The following OPHN1 variants were observed in gnomAD, a reference collection of about 807,000 sequenced individuals.
OPHN1 encodes the protein oligophrenin-1.
In OPHN1, 11 loss-of-function variants were observed where a neutral mutation model predicts 60.7. That is an observed-to-expected ratio of 0.18 (90% confidence interval 0.11 to 0.30). The LOEUF (loss-of-function observed/expected upper bound fraction) is 0.30, where lower values mean the gene tolerates loss of function less well. Among genes scored for constraint, OPHN1 ranks in the 10% least tolerant of loss-of-function variants. The pLI is 1.00. For synonymous variants in OPHN1, 226 were observed against 222.6 expected (o/e 1.02, Z -0.14); for missense variants, 449 against 611.0 (o/e 0.73, Z 2.80).
At chrX:68,225,392 G>T (rs1398111558) in intron 6 of OPHN1, among the ~76,000 whole-genome samples, 2 of 111,910 alleles carry the variant, frequency 1.8e-5, no homozygotes, top group African/African-American at 6.5e-5. Context: ...CCAGCACGGA[G>T]TTTGAGATCT....
rs151007231 is a variant in OPHN1, at chrX:68,430,104, T to A, written c.154+2763A>T. 6.2e-3 allele frequency among the ~76,000 whole-genome samples: 698 copies of A among 112,003 alleles called. 5 individuals are homozygous for A. Among genetic ancestry groups the A allele is most frequent in the African/African-American group, 0.022 (668 of 30,525 alleles). ...GATGGAGAAGCCAAGAACATAATCC[T>A]GATCTTCTAACTCCGATTCCAGTGT... On this transcript the variant is annotated intron_variant, in intron 2 of 24. Coordinates refer to ENST00000355520, the MANE Select transcript of OPHN1 (RefSeq NM_002547.3).
intron 18 of OPHN1, among the ~76,000 whole-genome samples, chrX:68,099,495 T>TA (rs1443172235): frequency 2.7e-5 from 3 of 111,793 alleles, no homozygotes; most frequent in Admixed American, 1.9e-4. Flanking sequence ...AGACATTCTT[T>TA]AGACCACCAT....
chrX:68,076,399 TA>T (rs1275835223), intron 19 of OPHN1, among the ~76,000 whole-genome samples: 52 of 102,900 alleles, frequency 5.1e-4, no homozygotes, highest in Middle Eastern at 5.0e-3. Context: ...CATAGTGAAT[TA>T]AAAAAAAAAA....
At chrX:68,222,114 C>T (rs1260993855) in intron 6 of OPHN1, among the ~76,000 whole-genome samples, 4 of 108,153 alleles carry the variant, frequency 3.7e-5, no homozygotes, top group Non-Finnish European at 5.7e-5. Context: ...AAAAAGTGGG[C>T]GAAGGACATG....
intron 19 of OPHN1, among the ~76,000 whole-genome samples, chrX:68,084,609 G>GAA (rs55676217): frequency 1.5e-4 from 16 of 104,911 alleles, no homozygotes; most frequent in Non-Finnish European, 1.4e-4. Flanking sequence ...ACTTCTCATT[G>GAA]AAAAAAAAAA....
chrX:68,086,912 T>C (rs764877389), intron 19 of OPHN1, among the ~76,000 whole-genome samples: 1 of 112,074 alleles, frequency 8.9e-6, no homozygotes, highest in Non-Finnish European at 1.9e-5. Flanking sequence ...GGCCACCTGA[T>C]AGTAAGAAGC....
chrX:68,341,812 G>A (rs1193046609), intron 2 of OPHN1, among the ~76,000 whole-genome samples: 3 of 110,302 alleles, frequency 2.7e-5, no homozygotes, highest in African/African-American at 9.9e-5. Flanking sequence ...ACTCCAGCCT[G>A]AGTGACACGG....
At chrX:68,084,609 G>A (rs1447340302) in intron 19 of OPHN1, among the ~76,000 whole-genome samples, 3 of 104,974 alleles carry the variant, frequency 2.9e-5, no homozygotes, top group Non-Finnish European at 5.9e-5. Context: ...ACTTCTCATT[G>A]AAAAAAAAAA....
At chrX:68,371,379 G>T (rs12836401) in intron 2 of OPHN1, among the ~76,000 whole-genome samples, 13,963 of 109,381 alleles carry the variant, frequency 0.13, 1,934 homozygotes, top group African/African-American at 0.42. Context: ...CACCACACCA[G>T]GCTAATTTTT....
chrX:68,168,211 C>T (rs1230862323), intron 15 of OPHN1, among the ~76,000 whole-genome samples: 3 of 110,727 alleles, frequency 2.7e-5, no homozygotes, highest in Non-Finnish European at 5.7e-5. Flanking sequence ...TTTTTTTCAG[C>T]ACCACACCAC....
At chrX:68,417,383 C>T (rs2078804649) in intron 2 of OPHN1, among the ~76,000 whole-genome samples, 1 of 112,271 alleles carries the variant, frequency 8.9e-6, no homozygotes, top group Non-Finnish European at 1.9e-5. Context: ...TGAGCCACCA[C>T]GCCCAACCTC....
intron 10 of OPHN1, among the ~76,000 whole-genome samples, chrX:68,204,861 A>G (rs2147471614): frequency 8.9e-6 from 1 of 112,087 alleles, no homozygotes; most frequent in South Asian, 3.8e-4. Context: ...AGTTTGCAAT[A>G]AGCACCTCTG....
chrX:68,183,348 T>C (rs1331855101), intron 15 of OPHN1, among the ~76,000 whole-genome samples: 1 of 111,805 alleles, frequency 8.9e-6, no homozygotes, highest in Admixed American at 9.5e-5. Context: ...TACAAAGAAT[T>C]GTTGACCTGA....
intron 2 of OPHN1, among the ~76,000 whole-genome samples, chrX:68,416,063 T>TAGAGAGAGAG (rs1252046498): frequency 3.2e-4 from 2 of 6,321 alleles, no homozygotes; most frequent in Non-Finnish European, 9.8e-4. Context: ...TATATATATA[T>TAGAGAGAGAG]ATATAGAGAG....
intron 2 of OPHN1, among the ~76,000 whole-genome samples, chrX:68,430,207 G>A (rs955758089): frequency 8.9e-6 from 1 of 111,739 alleles, no homozygotes; most frequent in African/African-American, 3.3e-5. Context: ...TCAGAAAGTC[G>A]CTCCGCTGGC....
intron 2 of OPHN1, among the ~76,000 whole-genome samples, chrX:68,356,484 C>T (rs977621915): frequency 1.8e-5 from 2 of 110,126 alleles, no homozygotes; most frequent in African/African-American, 6.6e-5. Context: ...ATGATCTTGG[C>T]TCACTGCAAC....
chrX:68,250,340 T>C (rs2077827352), intron 5 of OPHN1, among the ~76,000 whole-genome samples: 1 of 112,594 alleles, frequency 8.9e-6, no homozygotes, highest in Non-Finnish European at 1.9e-5. Flanking sequence ...AGCATGGTTT[T>C]ATGCACTATC....
At chrX:68,153,802 C>T (rs1338535912) in intron 15 of OPHN1, among the ~76,000 whole-genome samples, 1 of 111,653 alleles carries the variant, frequency 9.0e-6, no homozygotes, top group Non-Finnish European at 1.9e-5. Context: ...TGCTGAGACC[C>T]CGTGATTCCT....
intron 2 of OPHN1, among the ~76,000 whole-genome samples, chrX:68,308,152 A>C (rs2078154968): frequency 8.9e-6 from 1 of 112,009 alleles, no homozygotes; most frequent in African/African-American, 3.2e-5. Context: ...GGCCTCAATT[A>C]ATCAAAAACA....
Sources: allele counts gnomAD v4.1 joint callset (sites outside exome capture counted in the v4.1 genomes callset), GRCh38; gene constraint gnomAD v4.1.1; transcripts MANE v1.5; gene names NCBI Gene and HGNC (gene_info 2026-07-23, HGNC 2026-07-21).